Variants in CACNG2 observed in about 807,000 individuals in gnomAD.
The protein encoded by CACNG2 is calcium voltage-gated channel auxiliary subunit gamma 2.
Under a neutral mutation model 25.9 loss-of-function variants are expected in CACNG2, and 3 were observed. The ratio of observed to expected loss-of-function variants is 0.12; its 90% CI spans 0.05 to 0.30. The LOEUF is 0.30. Ranked by LOEUF, CACNG2 falls within the 10% of genes least tolerant of loss-of-function variation. CACNG2 has a pLI of 1.00. For missense variants in CACNG2, 341 were observed against 432.5 expected, an observed-to-expected ratio of 0.79 and a Z score of 1.88; for synonymous variants, 167 against 173.3, an observed-to-expected ratio of 0.96 and a Z score of 0.29.
At chr22:36,670,245 C>T (rs1936929730) in intron 1 of CACNG2, among the ~76,000 whole-genome samples, 1 of 152,156 alleles carries the variant, frequency 6.6e-6, no homozygotes. Flanking sequence ...AAAGAGAATT[C>T]AGGAAAAACC....
chr22:36,660,121 T>C (rs1490763906), intron 1 of CACNG2, among the ~76,000 whole-genome samples: 1 of 152,244 alleles, frequency 6.6e-6, no homozygotes, highest in African/African-American at 2.4e-5. Context: ...CCTTCTTGTA[T>C]GTGGTTCTGT....
chr22:36,677,613 T>C (rs1937036515), intron 1 of CACNG2, among the ~76,000 whole-genome samples: 9 of 152,220 alleles, frequency 5.9e-5, no homozygotes, highest in Admixed American at 5.9e-4. Flanking sequence ...TATAACTCCA[T>C]GCCTAGGTCC....
Position 36,629,274 on chromosome 22 carries a change from GTTCA to G in CACNG2, c.212-41730_212-41727del, listed in dbSNP as rs553814869. ...TTCTTCCTTCATTCGTTCATTCACC[GTTCA>G]TTCATTCATTCATTCACTCAATAGG... On this transcript the variant is annotated intron_variant, in intron 1 of 3. Coordinates refer to ENST00000300105, the MANE Select transcript of CACNG2 (RefSeq NM_006078.5). Among the ~76,000 whole-genome samples, 11 of 152,176 alleles carry G rather than the reference GTTCA, an allele frequency of 7.2e-5. No individual in the cohort carries two copies. The South Asian group carries it at 2.3e-3, about 32-fold the overall frequency.
chr22:36,660,710 G>A (rs1383948910), intron 1 of CACNG2, among the ~76,000 whole-genome samples: 2 of 152,226 alleles, frequency 1.3e-5, no homozygotes, highest in African/African-American at 4.8e-5. Flanking sequence ...AAGTGCCCCA[G>A]TTGAAAGCAC....
At chr22:36,577,021 T>A (rs926852900) in intron 2 of CACNG2, among the ~76,000 whole-genome samples, 49 of 152,148 alleles carry the variant, frequency 3.2e-4, no homozygotes, top group African/African-American at 1.1e-3. Flanking sequence ...TGGTGACCAG[T>A]CGCACAGGCT....
intron 2 of CACNG2, among the ~76,000 whole-genome samples, chr22:36,571,502 A>G (rs905502121): frequency 5.3e-5 from 8 of 151,712 alleles, no homozygotes; most frequent in African/African-American, 1.2e-4. Flanking sequence ...CTTTCCCCCA[A>G]CTGAGTCATA....
chr22:36,598,998 A>C (rs966358894), intron 1 of CACNG2, among the ~76,000 whole-genome samples: 2 of 152,212 alleles, frequency 1.3e-5, no homozygotes, highest in Non-Finnish European at 2.9e-5. Flanking sequence ...CTATTTGAAT[A>C]TATCAAAACA....
intron 1 of CACNG2, among the ~76,000 whole-genome samples, chr22:36,653,712 T>C (rs1601438072): frequency 6.6e-6 from 1 of 152,166 alleles, no homozygotes; most frequent in East Asian, 1.9e-4. Flanking sequence ...CTGGAATCTC[T>C]GGGAACCCTG....
intron 1 of CACNG2, among the ~76,000 whole-genome samples, chr22:36,645,066 T>C (rs1212104282): frequency 2.0e-5 from 3 of 152,226 alleles, no homozygotes; most frequent in African/African-American, 7.2e-5. Flanking sequence ...AAGTCCTTCA[T>C]TAACGTTCTA....
chr22:36,624,391 A>T (rs1017316313), intron 1 of CACNG2, among the ~76,000 whole-genome samples: 6 of 151,994 alleles, frequency 3.9e-5, no homozygotes, highest in African/African-American at 1.5e-4. Context: ...GAGGTAGGGG[A>T]ATGCTCTCTT....
chr22:36,679,599 A>G (rs1937070436), intron 1 of CACNG2, among the ~76,000 whole-genome samples: 1 of 152,218 alleles, frequency 6.6e-6, no homozygotes, highest in Non-Finnish European at 1.5e-5. Flanking sequence ...GATTTGGGTG[A>G]ATAGACTTGG....
intron 1 of CACNG2, among the ~76,000 whole-genome samples, chr22:36,625,026 CA>C (rs57987215): frequency 0.046 from 3,103 of 67,628 alleles, 169 homozygotes; most frequent in Middle Eastern, 0.091. Flanking sequence ...GACTCTGTCT[CA>C]AAAAAAAAAA....
At chr22:36,668,264 C>T (rs933980812) in intron 1 of CACNG2, among the ~76,000 whole-genome samples, 1 of 152,344 alleles carries the variant, frequency 6.6e-6, no homozygotes, top group Middle Eastern at 3.4e-3. Flanking sequence ...ATCCAGGTTC[C>T]CTGCCTTCTC....
intron 1 of CACNG2, among the ~76,000 whole-genome samples, chr22:36,674,343 T>C (rs1936994614): frequency 6.6e-6 from 1 of 152,232 alleles, no homozygotes; most frequent in African/African-American, 2.4e-5. Context: ...CTTGCTTTTT[T>C]TTTGAGACGG....
At chr22:36,698,866 C>G (rs1366634045) in intron 1 of CACNG2, among the ~76,000 whole-genome samples, 1 of 152,056 alleles carries the variant, frequency 6.6e-6, no homozygotes, top group Non-Finnish European at 1.5e-5. Context: ...TTTGGGGGAG[C>G]CATGGAGCCA....
In CACNG2 at chr22:36,661,153, A is replaced by T. The variant is rs190349392; in HGVS notation, c.211+41213T>A. 5.6e-4 allele frequency among the ~76,000 whole-genome samples: 85 copies of T among 152,326 alleles called. 3 individuals are homozygous for T. In the East Asian group the frequency reaches 0.012, roughly 22 times the overall value. The stretch of plus-strand genomic sequence containing the variant: ...ACCGTTTGAGAGCAGGCTTGGATTC[A>T]GTCTCCTATCAGTCTCTAGAGGAGT... On this transcript the variant is annotated intron_variant, in intron 1 of 3. Coordinates refer to ENST00000300105, the MANE Select transcript of CACNG2 (RefSeq NM_006078.5).
At chr22:36,611,735 T>C (rs1461225513) in intron 1 of CACNG2, among the ~76,000 whole-genome samples, 3 of 152,200 alleles carry the variant, frequency 2.0e-5, no homozygotes, top group Non-Finnish European at 4.4e-5. Context: ...GCTGTTGTTC[T>C]AGCACTGTGG....
intron 1 of CACNG2, among the ~76,000 whole-genome samples, chr22:36,690,138 T>C (rs967373477): frequency 6.6e-6 from 1 of 152,344 alleles, no homozygotes; most frequent in Non-Finnish European, 1.5e-5. Context: ...TAATTTGCCA[T>C]AGGCGTAGAG....
At chr22:36,623,264 G>A (rs1435655424) in intron 1 of CACNG2, among the ~76,000 whole-genome samples, 1 of 151,898 alleles carries the variant, frequency 6.6e-6, no homozygotes, top group African/African-American at 2.4e-5. Context: ...CAAGTGATCT[G>A]CCTGCCTCGG....
Sources: gnomAD v4.1 joint callset for allele counts (sites outside exome capture counted in the v4.1 genomes callset) on GRCh38, gnomAD v4.1.1 for gene constraint, MANE v1.5 for transcripts, NCBI Gene and HGNC (gene_info 2026-07-23, HGNC 2026-07-21) for gene names.